The following MAGI1 variants were observed in gnomAD, a reference collection of about 807,000 sequenced individuals.
The protein encoded by MAGI1 is membrane associated guanylate kinase, WW and PDZ domain containing 1, also known as membrane-associated guanylate kinase, WW and PDZ domain-containing protein 1.
Under a neutral mutation model 139.9 loss-of-function variants are expected in MAGI1, and 58 were observed. The observed-to-expected ratio is 0.41, with a 90% CI of 0.34 to 0.52. The LOEUF (loss-of-function observed/expected upper bound fraction) is 0.52, where lower values mean the gene tolerates loss of function less well. Ranked by LOEUF, MAGI1 falls within the 20% of genes least tolerant of loss-of-function variation. The probability of loss-of-function intolerance (pLI) is 0.12; values close to 1 mark genes in which losing one functional copy is unlikely to be tolerated. For missense variants in MAGI1, 1,874 were observed against 1,901.6 expected (o/e 0.99, Z 0.27); for synonymous variants, 812 against 737.9 (o/e 1.10, Z -1.63).
chr3:65,941,858 C>G (rs2063331013), intron 1 of MAGI1, among the ~76,000 whole-genome samples: 2 of 152,188 alleles, frequency 1.3e-5, no homozygotes, highest in South Asian at 4.1e-4. Context: ...GTGGTGGAAT[C>G]TTGGCTCACT....
chr3:65,494,991 G>A (rs748146143), intron 2 of MAGI1, among the ~76,000 whole-genome samples: 5 of 152,212 alleles, frequency 3.3e-5, no homozygotes, highest in African/African-American at 4.8e-5. Context: ...GAACCTTCAG[G>A]TTAAAAAGTC....
chr3:65,880,827 T>C (rs2060295682), intron 1 of MAGI1, among the ~76,000 whole-genome samples: 1 of 152,158 alleles, frequency 6.6e-6, no homozygotes, highest in Admixed American at 6.5e-5. Context: ...AAGATACTAC[T>C]GTTGGCCTGG....
intron 1 of MAGI1, among the ~76,000 whole-genome samples, chr3:65,914,659 G>A (rs1459554793): frequency 6.6e-6 from 1 of 152,176 alleles, no homozygotes; most frequent in Non-Finnish European, 1.5e-5. Context: ...GAGGATTTGA[G>A]CCTAATGTTC....
intron 2 of MAGI1, among the ~76,000 whole-genome samples, chr3:65,598,806 G>C (rs1004821519): frequency 1.3e-5 from 2 of 152,124 alleles, no homozygotes; most frequent in Admixed American, 1.3e-4. Context: ...AAGAGCCGGC[G>C]GTATCACCTC....
intron 1 of MAGI1, among the ~76,000 whole-genome samples, chr3:65,926,329 CT>C: frequency 8.2e-6 from 1 of 122,456 alleles, no homozygotes; most frequent in Non-Finnish European, 1.7e-5. Context: ...GTCTTCTTTT[CT>C]CTCTCTCTCT....
intron 1 of MAGI1, among the ~76,000 whole-genome samples, chr3:65,816,937 G>A (rs535358492): frequency 4.5e-4 from 68 of 152,130 alleles, no homozygotes; most frequent in African/African-American, 1.4e-3. Context: ...TCTATTCAAC[G>A]GACTAAAAAA....
intron 12 of MAGI1, among the ~76,000 whole-genome samples, chr3:65,409,398 A>G (rs1434819538): frequency 6.6e-6 from 1 of 152,052 alleles, no homozygotes; most frequent in African/African-American, 2.4e-5. Flanking sequence ...CTAGCATTTA[A>G]TCGTGGGGTG....
chr3:65,553,850 C>T (rs1485596755), intron 2 of MAGI1, among the ~76,000 whole-genome samples: 1 of 152,114 alleles, frequency 6.6e-6, no homozygotes, highest in Non-Finnish European at 1.5e-5. Context: ...TTCTCAGTTT[C>T]GCTAATTCTC....
intron 15 of MAGI1, 146 bp from the exon 16 acceptor site, chr3:65,382,215 C>T: frequency 1.6e-6 from 1 of 631,808 alleles, no homozygotes; most frequent in South Asian, 2.2e-5. Flanking sequence ...GTGTACAAGA[C>T]ATTGTGCTAA....
chr3:65,756,775 G>T (rs922009914), intron 1 of MAGI1, among the ~76,000 whole-genome samples: 1 of 152,122 alleles, frequency 6.6e-6, no homozygotes, highest in Non-Finnish European at 1.5e-5. Context: ...AGTGTTCAGA[G>T]AATAGAGTTA....
chr3:65,929,500 A>G (rs568390491), intron 1 of MAGI1, among the ~76,000 whole-genome samples: 5 of 151,932 alleles, frequency 3.3e-5, no homozygotes, highest in Non-Finnish European at 7.4e-5. Context: ...ATGCCCAGCT[A>G]ATTTTTGTAT....
intron 1 of MAGI1, among the ~76,000 whole-genome samples, chr3:65,950,106 A>AAAAAAAAAAAAAAAAAAAAAAAAAAAAC (rs796698272): frequency 1.3e-4 from 11 of 84,196 alleles, no homozygotes; most frequent in African/African-American, 2.5e-4. Flanking sequence ...AAAAAAAAAA[A>AAAAAAAAAAAAAAAAAAAAAAAAAAAAC]CAGAACTAGC....
chr3:65,935,623 A>G lies in MAGI1; in HGVS notation c.313+102373T>C, dbSNP rs547812333. On this transcript the variant is annotated intron_variant, in intron 1 of 22. Coordinates refer to ENST00000402939, the MANE Select transcript of MAGI1 (RefSeq NM_001033057.2). ...GGCAATAGAGCGCAATTCTGTCTCA[A>G]AGAAAAAAGAGGTAGAGTCTACTAC... Among the ~76,000 whole-genome samples, 3 of 151,900 alleles carry G rather than the reference A, an allele frequency of 2.0e-5. No individual in the cohort carries two copies. In the East Asian group the frequency reaches 5.8e-4, roughly 29 times the overall value.
intron 1 of MAGI1, among the ~76,000 whole-genome samples, chr3:66,034,106 A>T (rs924270504): frequency 6.6e-5 from 10 of 152,298 alleles, no homozygotes; most frequent in Middle Eastern, 3.4e-3. Flanking sequence ...AGCCCATCAG[A>T]ATCCCTTGAG....
chr3:65,699,358 C>A (rs549699489), intron 1 of MAGI1, among the ~76,000 whole-genome samples: 6 of 148,400 alleles, frequency 4.0e-5, no homozygotes, highest in African/African-American at 1.5e-4. Context: ...ACCATTTGAC[C>A]CTGCCATCCC....
intron 1 of MAGI1, among the ~76,000 whole-genome samples, chr3:66,032,841 G>A (rs1479989275): frequency 4.0e-5 from 6 of 149,498 alleles, no homozygotes; most frequent in Non-Finnish European, 1.5e-5. Flanking sequence ...CTTGAACCCG[G>A]GAGGCAAAGG....
intron 4 of MAGI1, among the ~76,000 whole-genome samples, chr3:65,471,283 T>G (rs957180558): frequency 1.3e-5 from 2 of 152,176 alleles, no homozygotes; most frequent in Non-Finnish European, 2.9e-5. Context: ...TCTGGTTGAA[T>G]TTTTATAGAG....
Position 65,357,118 on chromosome 3 carries a change from G to A in MAGI1, c.3649C>T (p.Arg1217Cys), listed in dbSNP as rs778839760. ...SVPEYDPSSD[R>C]HGPATGPQGV... ...TGTGGACCGGTGGCGGGGCCGTGGC[G>A]GTCGCTGCTGGGGTCTGCCAGGAAA... The change falls in exon 23 of 23, where the codon CGC becomes TGC. Residue 1217 changes from arginine to cysteine, a missense_variant. Coordinates refer to ENST00000402939, the MANE Select transcript of MAGI1 (RefSeq NM_001033057.2). 3.1e-6 allele frequency: 5 copies of A among 1,611,080 alleles called. No homozygotes were observed. The African/African-American group carries it at 4.0e-5, about 13-fold the overall frequency.
intron 2 of MAGI1, among the ~76,000 whole-genome samples, chr3:65,526,975 A>G (rs939577673): frequency 6.6e-6 from 1 of 152,236 alleles, no homozygotes; most frequent in African/African-American, 2.4e-5. Flanking sequence ...CAGGCCTGAA[A>G]GATACATATA....
Sources: allele counts gnomAD v4.1 joint callset (sites outside exome capture counted in the v4.1 genomes callset), GRCh38; gene constraint gnomAD v4.1.1; transcripts MANE v1.5; gene names NCBI Gene and HGNC (gene_info 2026-07-23, HGNC 2026-07-21).